Variants in CCDC30 observed in about 807,000 individuals in gnomAD.
CCDC30 encodes coiled-coil domain-containing protein 30.
A neutral mutation model predicts 100.2 loss-of-function variants in CCDC30; 70 were observed. The ratio of observed to expected loss-of-function variants is 0.70; its 90% CI spans 0.58 to 0.85. The LOEUF is 0.85. CCDC30 is among the 40% of genes least tolerant of loss of function. The pLI, the probability that CCDC30 is intolerant of heterozygous loss-of-function variation, is 0.00. For synonymous variants in CCDC30, 233 were observed against 269.5 expected, an observed-to-expected ratio of 0.86 and a Z score of 1.33; for missense variants, 652 against 771.2, an observed-to-expected ratio of 0.85 and a Z score of 1.83.
rs1327317963 is a variant in CCDC30, at chr1:42,596,512, A to G, written c.1164+7029A>G. 6.6e-6 allele frequency among the ~76,000 whole-genome samples: 1 copy of G among 152,030 alleles called. No individual in the cohort carries two copies. The highest frequency in any genetic ancestry group is 1.5e-5 in the Non-Finnish European group (1 of 68,002). Reference sequence around the variant, plus strand: ...CAACTCTAGCCATCTCGTCCCACAAAAGGGAGGTGGGTGGAGAAAAAAAAA... The same window carrying G: ...CAACTCTAGCCATCTCGTCCCACAAGAGGGAGGTGGGTGGAGAAAAAAAAA... On this transcript the variant is annotated intron_variant, in intron 10 of 16. Transcript: ENST00000668663. This position sits in a 1 kb window ranked among gnomAD's most constrained non-coding sequence, Gnocchi z 4.3.
intron 6 of CCDC30, chr1:42,537,012 T>G (rs1644918052): frequency 5.5e-6 from 2 of 361,100 alleles, no homozygotes; most frequent in Non-Finnish European, 1.1e-5. Flanking sequence ...CAGTCCATAT[T>G]GGGAATTAGG....
intron 8 of CCDC30, among the ~76,000 whole-genome samples, chr1:42,577,600 G>A (rs764817191): frequency 6.6e-6 from 1 of 151,942 alleles, no homozygotes; most frequent in Non-Finnish European, 1.5e-5. Flanking sequence ...ACAAACAATT[G>A]TACGTGTTCA....
intron 10 of CCDC30, among the ~76,000 whole-genome samples, chr1:42,597,112 CA>C (rs956639574): frequency 1.3e-5 from 2 of 151,624 alleles, no homozygotes; most frequent in African/African-American, 4.8e-5. Context: ...GAAAAGCAAA[CA>C]AAAAAATACT....
chr1:42,566,177 A>G (rs970288483), intron 6 of CCDC30, 119 bp from the exon 11 acceptor site: 2 of 753,608 alleles, frequency 2.7e-6, no homozygotes, highest in Non-Finnish European at 4.3e-6. Context: ...AGCTAACTCC[A>G]AAAACATTTA....
intron 6 of CCDC30, among the ~76,000 whole-genome samples, chr1:42,539,919 A>T (rs1466991891): frequency 9.5e-5 from 5 of 52,508 alleles, no homozygotes; most frequent in African/African-American, 4.1e-4. Flanking sequence ...CCCCATCTCT[A>T]AAAAAAAAAA....
chr1:42,569,694 CTA>C (rs1329433717), intron 7 of CCDC30, among the ~76,000 whole-genome samples: 1 of 152,138 alleles, frequency 6.6e-6, no homozygotes, highest in African/African-American at 2.4e-5. Context: ...TATTGCAGCA[CTA>C]TTCACAATAG....
At chr1:42,537,033 T>C (rs1372958460) in intron 6 of CCDC30, 2 of 364,928 alleles carry the variant, frequency 5.5e-6, no homozygotes, top group Non-Finnish European at 1.1e-5. Flanking sequence ...GTTTCAACAA[T>C]ATGAATAGGG....
At chr1:42,585,675 A>G (rs1646053532) in intron 9 of CCDC30, among the ~76,000 whole-genome samples, 1 of 152,092 alleles carries the variant, frequency 6.6e-6, no homozygotes, top group Non-Finnish European at 1.5e-5. Flanking sequence ...TAATATATGC[A>G]TGTAATGCTA....
At chr1:42,473,729 A>G (rs1402024372) in intron 1 of CCDC30, among the ~76,000 whole-genome samples, 1 of 152,224 alleles carries the variant, frequency 6.6e-6, no homozygotes, top group Admixed American at 6.5e-5. Context: ...ACAATAAGAA[A>G]TATAATTGCC....
At chr1:42,655,577 A>G (rs959002019), downstream of CCDC30, among the ~76,000 whole-genome samples, 1 of 152,118 alleles carries the variant, frequency 6.6e-6, no homozygotes, top group African/African-American at 2.4e-5. Context: ...ATAAAATAAA[A>G]GTGGATAGGA....
At chr1:42,627,980 G>T (rs779411306) in intron 11 of CCDC30, among the ~76,000 whole-genome samples, 8 of 152,158 alleles carry the variant, frequency 5.3e-5, no homozygotes, top group Non-Finnish European at 1.2e-4. Context: ...AACCCAGAAT[G>T]GTAGATCCAC....
At chr1:42,523,926 C>A (rs1000243232) in intron 6 of CCDC30, among the ~76,000 whole-genome samples, 1 of 152,040 alleles carries the variant, frequency 6.6e-6, no homozygotes, top group Non-Finnish European at 1.5e-5. Flanking sequence ...TCTAGACATT[C>A]TTTTTGTTTC....
At position 42,566,250 on chromosome 1, in the gene CCDC30, A is replaced by G. The variant is rs145381920; in HGVS notation, c.457-46A>G. ...CAACTTGAACCCATGTTTTACCAAT[A>G]TTCTTTCCAATTGTCTGTGTTTCTC... On this transcript the variant is annotated intron_variant, in intron 6 of 16. Transcript: ENST00000668663. 2.3e-4 allele frequency: 339 copies of G among 1,459,704 alleles called. 1 individual carries two copies. The African/African-American group carries it at 4.3e-3, about 19-fold the overall frequency. 90.4% of individuals were successfully genotyped at this position (1,459,704 alleles called of 1,614,324 possible).
intron 6 of CCDC30, among the ~76,000 whole-genome samples, chr1:42,547,731 A>G (rs1176557556): frequency 1.3e-5 from 2 of 151,924 alleles, no homozygotes; most frequent in East Asian, 1.9e-4. Flanking sequence ...TTTATCTCCT[A>G]TTCCCCTCTT....
rs563022326 is a variant in CCDC30, at chr1:42,618,229, C to CTTTTTTTTT, written c.1277+7155_1277+7163dup. ...GGAGGATGTTGAAAACCAGTGATAT[C>CTTTTTTTTT]TTTTTTTTTTTTTTTTTTTTTTTTG... On this transcript the variant is annotated intron_variant, in intron 11 of 16. Transcript: ENST00000668663. Among the ~76,000 whole-genome samples, 30 of 90,462 alleles carry CTTTTTTTTT rather than the reference C, an allele frequency of 3.3e-4. 1 individual carries two copies. Among genetic ancestry groups the CTTTTTTTTT allele is most frequent in the African/African-American group, 5.0e-4 (11 of 22,078 alleles). 59.3% of individuals were successfully genotyped at this position (90,462 alleles called of 152,430 possible).
intron 10 of CCDC30, among the ~76,000 whole-genome samples, chr1:42,602,759 A>T (rs1420989923): frequency 6.6e-6 from 1 of 152,220 alleles, no homozygotes; most frequent in African/African-American, 2.4e-5. Flanking sequence ...TAGGAGATGG[A>T]AGCAGAGGGA....
chr1:42,504,208 G>C (rs148096236), intron 6 of CCDC30, among the ~76,000 whole-genome samples: 2 of 152,196 alleles, frequency 1.3e-5, no homozygotes, highest in Non-Finnish European at 2.9e-5. Context: ...GCGGTTTTCC[G>C]CCCTGGGTGG....
At chr1:42,459,895 GAC>G, upstream of CCDC30, 1 of 1,612,210 alleles carries the variant, frequency 6.2e-7, no homozygotes, top group Non-Finnish European at 8.5e-7. Context: ...CTTCAGTCTC[GAC>G]ACACAGCTTT....
intron 1 of CCDC30, among the ~76,000 whole-genome samples, chr1:42,477,203 GTATGTC>G (rs1643893400): frequency 6.6e-6 from 1 of 151,804 alleles, no homozygotes. Flanking sequence ...AGAAGATATT[GTATGTC>G]CTACTGCCAA....
Sources: gnomAD v4.1 joint callset for allele counts (sites outside exome capture counted in the v4.1 genomes callset) on GRCh38, gnomAD v4.1.1 for gene constraint, Gnocchi (gnomAD v3.1) non-coding constraint, MANE v1.5 for transcripts, NCBI Gene and HGNC (gene_info 2026-07-23, HGNC 2026-07-21) for gene names.